The following RANBP2 variants were observed in gnomAD, a reference collection of about 807,000 sequenced individuals.
The protein encoded by RANBP2 is E3 SUMO-protein ligase RanBP2.
A neutral mutation model predicts 303.6 loss-of-function variants in RANBP2; 57 were observed. The observed-to-expected ratio is 0.19, with a 90% CI of 0.15 to 0.23. The LOEUF (loss-of-function observed/expected upper bound fraction) is 0.23. RANBP2 is among the 10% of genes least tolerant of loss of function. RANBP2 has a pLI of 1.00. For missense variants in RANBP2, 3,138 were observed against 3,780.8 expected (o/e 0.83, Z 4.46); for synonymous variants, 1,167 against 1,301.5 (o/e 0.90, Z 2.23).
the RANBP2 span, among the ~76,000 whole-genome samples, chr2:109,598,502 G>C: frequency 6.6e-6 from 1 of 152,148 alleles, no homozygotes; most frequent in Non-Finnish European, 1.5e-5. Flanking sequence ...TTAGGATAAT[G>C]TGAGCGAGAG....
chr2:109,394,302 T>C, the RANBP2 span, among the ~76,000 whole-genome samples: 1 of 152,096 alleles, frequency 6.6e-6, no homozygotes, highest in African/African-American at 2.4e-5. Context: ...GACCATAGGG[T>C]GGTAAGCGGG....
chr2:109,080,938 G>A, the RANBP2 span, among the ~76,000 whole-genome samples: 1 of 152,150 alleles, frequency 6.6e-6, no homozygotes, highest in African/African-American at 2.4e-5. Context: ...GGGCTGGAGA[G>A]CCAGGCTGGA....
chr2:109,056,383 A>G, the RANBP2 span, among the ~76,000 whole-genome samples: 2 of 151,656 alleles, frequency 1.3e-5, no homozygotes, highest in South Asian at 4.2e-4. Context: ...TGCTTAGGCT[A>G]GATTCGAAGT....
the RANBP2 span, chr2:108,876,220 A>G: frequency 6.2e-7 from 1 of 1,612,666 alleles, no homozygotes; most frequent in Non-Finnish European, 8.5e-7. Context: ...GTTTAACAAA[A>G]TGTAACTCCC....
chr2:108,934,749 C>T, the RANBP2 span, among the ~76,000 whole-genome samples: 2 of 152,222 alleles, frequency 1.3e-5, no homozygotes, highest in Non-Finnish European at 2.9e-5. Context: ...GCGATGATGA[C>T]ATTAAGTCAT....
the RANBP2 span, among the ~76,000 whole-genome samples, chr2:109,471,057 T>C: frequency 6.6e-6 from 1 of 151,870 alleles, no homozygotes; most frequent in Non-Finnish European, 1.5e-5. Flanking sequence ...CCATCTCCAC[T>C]AAAAACACAA....
At chr2:109,296,769 G>A in the RANBP2 span, among the ~76,000 whole-genome samples, 1 of 152,184 alleles carries the variant, frequency 6.6e-6, no homozygotes, top group African/African-American at 2.4e-5. Flanking sequence ...GACTTGCCAT[G>A]GCGTGTGGGA....
intron 20 of RANBP2, among the ~76,000 whole-genome samples, chr2:108,771,486 A>AT (rs1391010181): frequency 2.6e-5 from 4 of 152,112 alleles, no homozygotes; most frequent in Non-Finnish European, 5.9e-5. Context: ...TTTTAAATAG[A>AT]TTCTGTGTTC....
At chr2:108,884,556 G>C in the RANBP2 span, 1 of 152,206 alleles carries the variant, frequency 6.6e-6, no homozygotes, top group Non-Finnish European at 1.5e-5. Flanking sequence ...GTTTTTGCTT[G>C]TTTCTTTGTG....
chr2:108,742,221 C>G (rs1249825950), intron 7 of RANBP2, among the ~76,000 whole-genome samples: 1 of 151,868 alleles, frequency 6.6e-6, no homozygotes. Context: ...ATCTCGAACT[C>G]CTGACCTCAG....
chr2:109,761,034 G>A, the RANBP2 span, among the ~76,000 whole-genome samples: 1 of 138,726 alleles, frequency 7.2e-6, no homozygotes, highest in Non-Finnish European at 1.6e-5. Context: ...AGGTAGCCAG[G>A]GGCAGAGCGC....
the RANBP2 span, among the ~76,000 whole-genome samples, chr2:109,012,398 G>A: frequency 0.023 from 3,464 of 152,212 alleles, 61 homozygotes; most frequent in African/African-American, 0.054. Context: ...GGCATCCTTC[G>A]GTCTTGAGAG....
the RANBP2 span, among the ~76,000 whole-genome samples, chr2:109,192,930 T>C: frequency 6.6e-6 from 1 of 152,200 alleles, no homozygotes; most frequent in Non-Finnish European, 1.5e-5. Context: ...TCATCATAGC[T>C]GTGGTTAAAT....
chr2:108,888,069 C>G, the RANBP2 span, among the ~76,000 whole-genome samples: 107,324 of 152,016 alleles, frequency 0.71, 41,319 homozygotes, highest in East Asian at 0.9. Flanking sequence ...AGTTTTTATC[C>G]TGGAGTGATG....
the RANBP2 span, among the ~76,000 whole-genome samples, chr2:109,455,427 C>T: frequency 6.6e-6 from 1 of 152,184 alleles, no homozygotes; most frequent in African/African-American, 2.4e-5. Context: ...ACAGAATGAC[C>T]CATAATGACA....
At chr2:109,285,068 C>T in the RANBP2 span, among the ~76,000 whole-genome samples, 1 of 152,238 alleles carries the variant, frequency 6.6e-6, no homozygotes, top group Non-Finnish European at 1.5e-5. Flanking sequence ...ACAGCCCTGT[C>T]CTGGAAGAGG....
the RANBP2 span, among the ~76,000 whole-genome samples, chr2:109,703,522 G>C: frequency 1.2e-3 from 184 of 152,314 alleles, 3 homozygotes; most frequent in South Asian, 0.028. Context: ...TCTGCCTCCT[G>C]GGTTCAAGCA....
At chr2:109,523,461 G>A in the RANBP2 span, among the ~76,000 whole-genome samples, 1 of 152,296 alleles carries the variant, frequency 6.6e-6, no homozygotes, top group South Asian at 2.1e-4. Flanking sequence ...GTCCCACAGG[G>A]ACTCAGGCTG....
chr2:108,777,316 C>A, intron 25 of RANBP2, 85 bp downstream of exon 25: 1 of 704,102 alleles, frequency 1.4e-6, no homozygotes, highest in Non-Finnish European at 2.1e-6. Flanking sequence ...CAGTATATAA[C>A]TAAGTTAGAA....
Sources: gnomAD v4.1 joint callset for allele counts (sites outside exome capture counted in the v4.1 genomes callset) on GRCh38, gnomAD v4.1.1 for gene constraint, MANE v1.5 for transcripts, NCBI Gene and HGNC (gene_info 2026-07-23, HGNC 2026-07-21) for gene names.